The following SLIT2 variants were observed in gnomAD, a reference collection of about 807,000 sequenced individuals.
The protein encoded by SLIT2 is slit homolog 2 protein.
Under a neutral mutation model 185.7 loss-of-function variants are expected in SLIT2, and 41 were observed. The observed-to-expected ratio is 0.22, with a 90% confidence interval of 0.17 to 0.29. SLIT2 has a LOEUF of 0.29. Ranked by LOEUF, SLIT2 falls within the 10% of genes least tolerant of loss-of-function variation. The pLI is 1.00. For missense variants in SLIT2, 1,571 were observed against 1,909.0 expected (o/e 0.82, Z 3.30); for synonymous variants, 693 against 680.2 (o/e 1.02, Z -0.29).
chr4:20,436,537 CT>C (rs1265476297), intron 4 of SLIT2, among the ~76,000 whole-genome samples: 1 of 152,164 alleles, frequency 6.6e-6, no homozygotes, highest in East Asian at 1.9e-4. Flanking sequence ...AAATGTTGCA[CT>C]TTTTAGGGTA....
At chr4:20,573,736 A>G in intron 29 of SLIT2, among the ~76,000 whole-genome samples, 1 of 152,130 alleles carries the variant, frequency 6.6e-6, no homozygotes, top group East Asian at 1.9e-4. Flanking sequence ...AAATATTTGA[A>G]GGTGTATACA....
At chr4:20,525,371 T>TTA (rs1721198628) in intron 15 of SLIT2, among the ~76,000 whole-genome samples, 199 bp downstream of exon 15, 2 of 152,138 alleles carry the variant, frequency 1.3e-5, no homozygotes, top group African/African-American at 4.8e-5. Context: ...ACATATATTA[T>TTA]TAAACTCCAC....
chr4:20,598,213 AT>A, intron 32 of SLIT2, 51 bp from the exon 33 acceptor site: 1 of 1,581,374 alleles, frequency 6.3e-7, no homozygotes, highest in Non-Finnish European at 8.6e-7. Flanking sequence ...TTCTGATCAA[AT>A]ACGTTTGGTT....
At chr4:20,439,751 CTCA>C (rs1729605068) in intron 4 of SLIT2, among the ~76,000 whole-genome samples, 1 of 152,146 alleles carries the variant, frequency 6.6e-6, no homozygotes, top group South Asian at 2.1e-4. Context: ...GATTCTAAAA[CTCA>C]CAATCTACTA....
At chr4:20,463,220 T>C (rs1713917033) in intron 4 of SLIT2, among the ~76,000 whole-genome samples, 2 of 151,806 alleles carry the variant, frequency 1.3e-5, no homozygotes. Flanking sequence ...CTTCAATTCC[T>C]GCCACCCACC....
At chr4:20,504,960 T>C (rs1223787248) in intron 9 of SLIT2, among the ~76,000 whole-genome samples, 3 of 152,066 alleles carry the variant, frequency 2.0e-5, no homozygotes, top group Non-Finnish European at 4.4e-5. Flanking sequence ...AAAAAGTGTA[T>C]ATAGGGTTCA....
At chr4:20,529,216 T>A in intron 16 of SLIT2, 117 bp downstream of exon 16, 1 of 687,284 alleles carries the variant, frequency 1.5e-6, no homozygotes, top group Non-Finnish European at 2.3e-6. Context: ...TTAATTAATA[T>A]GCATTACATT....
At chr4:20,263,766 A>G (rs1712742129) in intron 3 of SLIT2, among the ~76,000 whole-genome samples, 1 of 151,888 alleles carries the variant, frequency 6.6e-6, no homozygotes, top group Admixed American at 6.6e-5. Context: ...TAAGTAAGAT[A>G]ATGTGCATAG....
In SLIT2 at chr4:20,284,655, G is replaced by C. The variant is rs1715097767; in HGVS notation, c.395+15774G>C. ...TCAGTCAATATATCTAAGCACTTATGCATAGGTGACTTTTTGTACCAATGC... is the reference window on the plus strand; with the variant it reads ...TCAGTCAATATATCTAAGCACTTATCCATAGGTGACTTTTTGTACCAATGC... On this transcript the variant is annotated intron_variant, in intron 4 of 36. Transcript: ENST00000504154. 1.3e-5 allele frequency among the ~76,000 whole-genome samples: 2 copies of C among 152,170 alleles called. 1 individual carries two copies. The highest frequency in any genetic ancestry group is 4.1e-4 in the South Asian group (2 of 4,828).
intron 28 of SLIT2, 53 bp downstream of exon 28, chr4:20,567,668 C>G: frequency 1.5e-6 from 2 of 1,330,358 alleles, no homozygotes; most frequent in South Asian, 1.2e-5. Flanking sequence ...GCAAAGATAA[C>G]TAAGCCAACA....
chr4:20,264,921 A>T (rs575274532), intron 3 of SLIT2, among the ~76,000 whole-genome samples: 1 of 152,032 alleles, frequency 6.6e-6, no homozygotes, highest in South Asian at 2.1e-4. Flanking sequence ...CATGACTTAT[A>T]TATCACTATA....
chr4:20,415,382 G>T (rs1727574503), intron 4 of SLIT2, among the ~76,000 whole-genome samples: 1 of 126,598 alleles, frequency 7.9e-6, no homozygotes, highest in South Asian at 2.5e-4. Context: ...CTGCGCTCCA[G>T]CCTGGGTGAC....
At chr4:20,387,554 G>C (rs1725030228) in intron 4 of SLIT2, among the ~76,000 whole-genome samples, 2 of 152,136 alleles carry the variant, frequency 1.3e-5, no homozygotes, top group Non-Finnish European at 2.9e-5. Context: ...ACTCCACTGT[G>C]TGTTAATTAG....
chr4:20,374,887 C>T (rs1212526539), intron 4 of SLIT2, among the ~76,000 whole-genome samples: 1 of 152,050 alleles, frequency 6.6e-6, no homozygotes, highest in Non-Finnish European at 1.5e-5. Flanking sequence ...TCTGATAACT[C>T]TAAAAACCAC....
rs750447624 is a variant in SLIT2, at chr4:20,539,548, C to A, written c.1940C>A (p.Pro647Gln). The change falls in exon 19 of 37, where the codon CCA becomes CAA. Residue 647 changes from proline to glutamine, a missense_variant. Pro to Gln is a moderately conservative substitution (Grantham distance 76, BLOSUM62 -1). Coordinates refer to ENST00000504154, the MANE Select transcript of SLIT2 (RefSeq NM_004787.4). ...GATAATCAAATTACTACAGTTGCACCAGGGGCATTTGATACTCTCCATTCT... is the reference window on the plus strand; with the variant it reads ...GATAATCAAATTACTACAGTTGCACAAGGGGCATTTGATACTCTCCATTCT... Reference protein sequence around the residue: ...LYDNQITTVAPGAFDTLHSLS... With the variant: ...LYDNQITTVAQGAFDTLHSLS... The A allele has an allele frequency of 1.9e-5, 30 of 1,612,460 alleles. No homozygotes were observed. Among genetic ancestry groups the A allele is most frequent in the Non-Finnish European group, 2.5e-5 (30 of 1,178,762 alleles).
chr4:20,518,265 T>G (rs1387949266), intron 11 of SLIT2, among the ~76,000 whole-genome samples: 1 of 139,306 alleles, frequency 7.2e-6, no homozygotes. Flanking sequence ...ATTTTTTTTT[T>G]TTTTTGAGAC....
chr4:20,573,553 A>T (rs543238552), intron 29 of SLIT2, among the ~76,000 whole-genome samples: 1 of 152,256 alleles, frequency 6.6e-6, no homozygotes, highest in South Asian at 2.1e-4. Context: ...AATTTTTTTA[A>T]TTTTCTACTT....
intron 4 of SLIT2, among the ~76,000 whole-genome samples, chr4:20,320,221 C>T (rs1338018765): frequency 1.3e-5 from 2 of 152,056 alleles, no homozygotes; most frequent in Non-Finnish European, 2.9e-5. Flanking sequence ...TATTTTATAC[C>T]AACTGCTATA....
At chr4:20,345,425 G>A (rs1171877754) in intron 4 of SLIT2, among the ~76,000 whole-genome samples, 1 of 151,938 alleles carries the variant, frequency 6.6e-6, no homozygotes. Context: ...TTTCCCTGCA[G>A]AAACCCTGCT....
Sources: allele counts gnomAD v4.1 joint callset (sites outside exome capture counted in the v4.1 genomes callset), GRCh38; gene constraint gnomAD v4.1.1; transcripts MANE v1.5; gene names NCBI Gene and HGNC (gene_info 2026-07-23, HGNC 2026-07-21).